The following GRIP2 variants were observed in gnomAD, a reference collection of about 807,000 sequenced individuals.
GRIP2 encodes the protein glutamate receptor-interacting protein 2.
In GRIP2, 58 loss-of-function variants were observed where a neutral mutation model predicts 108.3. The ratio of observed to expected loss-of-function variants is 0.54; its 90% CI spans 0.43 to 0.67. The LOEUF (loss-of-function observed/expected upper bound fraction) is 0.67, where lower values mean the gene tolerates loss of function less well. Ranked by LOEUF, GRIP2 falls within the 30% of genes least tolerant of loss-of-function variation. The pLI, the probability that GRIP2 is intolerant of heterozygous loss-of-function variation, is 0.00. For missense variants in GRIP2, 1,278 were observed against 1,430.6 expected (o/e 0.89, Z 1.72); for synonymous variants, 586 against 598.2 (o/e 0.98, Z 0.30).
At chr3:14,574,719 C>A in the GRIP2 span, 3 of 548,168 alleles carry the variant, frequency 5.5e-6, no homozygotes, top group Non-Finnish European at 6.9e-6. Flanking sequence ...GCGCAAGGTG[C>A]CATCCCTAAT....
At chr3:14,578,098 C>T in the GRIP2 span, among the ~76,000 whole-genome samples, 14 of 152,236 alleles carry the variant, frequency 9.2e-5, no homozygotes, top group African/African-American at 3.4e-4. Context: ...GCCATCTCCA[C>T]TGTGTGGAGC....
At chr3:14,582,585 C>A in the GRIP2 span, among the ~76,000 whole-genome samples, 1 of 152,182 alleles carries the variant, frequency 6.6e-6, no homozygotes, top group Non-Finnish European at 1.5e-5. Context: ...GTGTCCAGAG[C>A]CACTTCACCT....
At chr3:14,513,893 A>G in intron 12 of GRIP2, 83 bp from the exon 13 acceptor site, 1 of 1,505,322 alleles carries the variant, frequency 6.6e-7, no homozygotes, top group Non-Finnish European at 9.0e-7. Flanking sequence ...GGCAGGACTG[A>G]ACCTGGGTCA....
chr3:14,591,502 G>A, the GRIP2 span, among the ~76,000 whole-genome samples: 2 of 152,082 alleles, frequency 1.3e-5, no homozygotes, highest in African/African-American at 4.8e-5. Context: ...GCTCAGTCAG[G>A]CTTCTGGGAA....
At chr3:14,542,757 A>G (rs1337537130), upstream of GRIP2, among the ~76,000 whole-genome samples, 1 of 152,168 alleles carries the variant, frequency 6.6e-6, no homozygotes, top group African/African-American at 2.4e-5. Flanking sequence ...GCACATTTTC[A>G]TTTGATTTTA....
chr3:14,525,756 G>A lies in GRIP2; in HGVS notation c.121+95C>T, dbSNP rs926000937. 8 of 1,348,008 alleles carry A rather than the reference G, an allele frequency of 5.9e-6. No homozygotes were observed. In the South Asian group the frequency reaches 7.7e-5, roughly 13 times the overall value. The allele number at this position is 1,348,008 out of a possible 1,614,324, so 83.5% of individuals were successfully genotyped here. ...TAAGTGGCTGGTCTAAGGTCACAGA[G>A]CAAGTCAGTGGCAGAGCCGTTGCCA... is the stretch of plus-strand genomic sequence containing the variant. On this transcript the variant is annotated intron_variant, in intron 2 of 23. Transcript: ENST00000621039.
the GRIP2 span, among the ~76,000 whole-genome samples, chr3:14,571,491 C>T: frequency 1.2e-3 from 190 of 152,280 alleles, no homozygotes; most frequent in African/African-American, 4.5e-3. Flanking sequence ...CCTACCCACA[C>T]CGCACCTCCC....
intron 1 of GRIP2, among the ~76,000 whole-genome samples, chr3:14,536,225 C>T (rs143755369): frequency 1.3e-3 from 198 of 152,348 alleles, no homozygotes; most frequent in African/African-American, 4.2e-3. Flanking sequence ...GCTCTAAGCA[C>T]TTTATGAATG....
chr3:14,523,880 C>T (rs1694479798), intron 4 of GRIP2, 182 bp from the exon 5 acceptor site: 2 of 591,532 alleles, frequency 3.4e-6, no homozygotes, highest in Non-Finnish European at 6.0e-6. Flanking sequence ...CCTAATCCCA[C>T]TTAGCCCACC....
chr3:14,519,988 T>G, intron 9 of GRIP2, 122 bp downstream of exon 9: 5 of 963,496 alleles, frequency 5.2e-6, no homozygotes, highest in Non-Finnish European at 6.1e-6. Flanking sequence ...CCTGGGCAAA[T>G]GAGGATTTGT....
chr3:14,552,454 T>C (rs1695165442), intron 1 of GRIP2, among the ~76,000 whole-genome samples: 1 of 152,162 alleles, frequency 6.6e-6, no homozygotes, highest in Admixed American at 6.5e-5. Context: ...AATAAATATT[T>C]GTTGAATGAG....
intron 1 of GRIP2, among the ~76,000 whole-genome samples, chr3:14,527,732 CT>C (rs1694603141): frequency 6.6e-6 from 1 of 151,854 alleles, no homozygotes; most frequent in Non-Finnish European, 1.5e-5. Context: ...CCCATCTCTA[CT>C]GAAAATACAA....
chr3:14,522,883 C>T lies in GRIP2; in HGVS notation c.566+117G>A, dbSNP rs1694451931. The stretch of plus-strand genomic sequence containing the variant: ...GAATGACACCGGGCAGGGAGTGTTC[C>T]CTCAGGGCCTCGATCTCTTCATCTG... On this transcript the variant is annotated intron_variant, in intron 6 of 23. Transcript: ENST00000621039. The surrounding 1 kb of genome is among the most constrained non-coding windows in gnomAD (Gnocchi z 4.3). The T allele has an allele frequency of 3.6e-6, 3 of 836,622 alleles. No individual in the cohort carries two copies. Among genetic ancestry groups the T allele is most frequent in the East Asian group, 2.5e-5 (1 of 39,972 alleles). 51.8% of individuals were successfully genotyped at this position (836,622 alleles called of 1,614,324 possible).
intron 23 of GRIP2, among the ~76,000 whole-genome samples, chr3:14,494,116 G>A (rs1559327770): frequency 6.6e-6 from 1 of 152,206 alleles, no homozygotes; most frequent in Non-Finnish European, 1.5e-5. Flanking sequence ...CACACTCAGA[G>A]AGCCTCCTGC....
At chr3:14,589,956 C>A in the GRIP2 span, among the ~76,000 whole-genome samples, 1 of 151,912 alleles carries the variant, frequency 6.6e-6, no homozygotes, top group South Asian at 2.1e-4. Context: ...TCACACCTGG[C>A]CACTTTTTGT....
intron 21 of GRIP2, among the ~76,000 whole-genome samples, chr3:14,502,024 C>A (rs143623974): frequency 4.5e-4 from 69 of 152,024 alleles, no homozygotes; most frequent in African/African-American, 1.5e-3. Context: ...AAATTATATA[C>A]TAGAATTAAG....
chr3:14,582,234 A>G, the GRIP2 span, among the ~76,000 whole-genome samples: 1 of 152,124 alleles, frequency 6.6e-6, no homozygotes, highest in African/African-American at 2.4e-5. Flanking sequence ...TGTGGTTTTA[A>G]TTTCCATTTT....
intron 22 of GRIP2, among the ~76,000 whole-genome samples, chr3:14,495,245 T>C (rs1693560074): frequency 6.6e-6 from 1 of 151,990 alleles, no homozygotes; most frequent in Non-Finnish European, 1.5e-5. Flanking sequence ...CTTTCAGCCC[T>C]TTCTCTGTCC....
intron 11 of GRIP2, among the ~76,000 whole-genome samples, chr3:14,516,433 A>T (rs898721268): frequency 1.3e-5 from 2 of 152,208 alleles, no homozygotes; most frequent in African/African-American, 4.8e-5. Flanking sequence ...TGTTCCCAAG[A>T]AGGGTTTCAA....
Sources: gnomAD v4.1 joint callset for allele counts (sites outside exome capture counted in the v4.1 genomes callset) on GRCh38, gnomAD v4.1.1 for gene constraint, Gnocchi (gnomAD v3.1) non-coding constraint, MANE v1.5 for transcripts, NCBI Gene and HGNC (gene_info 2026-07-23, HGNC 2026-07-21) for gene names.